Variants in METTL15 observed in about 807,000 individuals in gnomAD.
The protein encoded by METTL15 is 12S rRNA N(4)-cytidine methyltransferase METTL15.
In METTL15, 34 loss-of-function variants were observed where a neutral mutation model predicts 38.3. That is an observed-to-expected ratio of 0.89 (90% CI 0.68 to 1.18). METTL15 has a LOEUF of 1.18. Among genes scored for constraint, METTL15 ranks in the 50% most tolerant of loss-of-function variants. The pLI is 0.00. For synonymous variants in METTL15, 162 were observed against 170.9 expected (o/e 0.95, Z 0.41); for missense variants, 438 against 498.4 (o/e 0.88, Z 1.15).
At chr11:28,319,643 A>G (rs1849392287) in intron 6 of METTL15, among the ~76,000 whole-genome samples, 1 of 152,126 alleles carries the variant, frequency 6.6e-6, no homozygotes, top group African/African-American at 2.4e-5. Flanking sequence ...GTAAGAATTA[A>G]ATATGTGGAA....
At chr11:28,281,081 T>G (rs541687846) in intron 4 of METTL15, among the ~76,000 whole-genome samples, 39 of 152,318 alleles carry the variant, frequency 2.6e-4, no homozygotes, top group African/African-American at 8.9e-4. Flanking sequence ...TTTTAAAAAA[T>G]TATTGTGATA....
intron 4 of METTL15, among the ~76,000 whole-genome samples, chr11:28,236,648 T>G (rs1169828321): frequency 1.3e-5 from 2 of 152,206 alleles, no homozygotes; most frequent in Admixed American, 1.3e-4. Flanking sequence ...GCCATTATGA[T>G]GTTAGCTGGT....
chr11:28,335,191 C>T (rs1406280694), downstream of METTL15, among the ~76,000 whole-genome samples: 1 of 152,088 alleles, frequency 6.6e-6, no homozygotes, highest in Non-Finnish European at 1.5e-5. Flanking sequence ...ATTATTAAGC[C>T]ATCAAATGAT....
At chr11:28,478,764 A>G (rs1451644690) in intron 6 of METTL15, among the ~76,000 whole-genome samples, 1 of 152,184 alleles carries the variant, frequency 6.6e-6, no homozygotes, top group African/African-American at 2.4e-5. Flanking sequence ...TCAATATGCT[A>G]TTATTGCTAT....
At chr11:28,374,682 G>T (rs923169344) in intron 5 of METTL15, among the ~76,000 whole-genome samples, 1 of 150,630 alleles carries the variant, frequency 6.6e-6, no homozygotes, top group Non-Finnish European at 1.5e-5. Context: ...AATTGCCCTG[G>T]CCAGAACTTC....
chr11:28,488,917 A>C (rs768010703), intron 6 of METTL15, among the ~76,000 whole-genome samples: 2 of 152,122 alleles, frequency 1.3e-5, no homozygotes, highest in Admixed American at 1.3e-4. Context: ...AATACCAAGC[A>C]GACCTTCACT....
intron 6 of METTL15, among the ~76,000 whole-genome samples, chr11:28,324,529 A>T (rs1849570619): frequency 1.3e-5 from 2 of 152,238 alleles, no homozygotes; most frequent in Admixed American, 1.3e-4. Context: ...AATTAAGTGC[A>T]TGCAATCAGT....
intron 4 of METTL15, among the ~76,000 whole-genome samples, chr11:28,225,436 C>G (rs1398787703): frequency 6.6e-6 from 1 of 151,720 alleles, no homozygotes; most frequent in African/African-American, 2.4e-5. Flanking sequence ...CTCATGCCTT[C>G]TTACATTTGC....
chr11:28,159,445 A>AG lies in METTL15; in HGVS notation c.270+45843dup, dbSNP rs1399269996. 9.9e-5 allele frequency among the ~76,000 whole-genome samples: 15 copies of AG among 151,292 alleles called. 1 individual carries two copies. The South Asian group carries it at 2.8e-3, about 28-fold the overall frequency. Reference sequence around the variant, plus strand: ...GAATGAAGGTTTGAATCACTCCACCAGGAAAAAAAAAAAAACACAACCTGC... The same window carrying AG: ...GAATGAAGGTTTGAATCACTCCACCAGGGAAAAAAAAAAAAACACAACCTGC... On this transcript the variant is annotated intron_variant, in intron 3 of 6. Transcript: ENST00000407364.
intron 4 of METTL15, among the ~76,000 whole-genome samples, chr11:28,357,317 A>G (rs1284354710): frequency 2.0e-5 from 3 of 152,236 alleles, no homozygotes; most frequent in African/African-American, 7.2e-5. Flanking sequence ...TGAAGATCCA[A>G]TGAGATAGTA....
intron 5 of METTL15, among the ~76,000 whole-genome samples, chr11:28,291,732 G>C (rs189558053): frequency 1.0e-5 from 1 of 98,096 alleles, no homozygotes; most frequent in Admixed American, 9.7e-5. Flanking sequence ...CTCATGTGTG[G>C]AGATGGAGGT....
intron 4 of METTL15, among the ~76,000 whole-genome samples, chr11:28,354,292 T>G (rs77812606): frequency 0.034 from 5,241 of 152,246 alleles, 297 homozygotes; most frequent in African/African-American, 0.12. Flanking sequence ...CTTTGCCTTT[T>G]CATCTTTTCC....
intron 6 of METTL15, among the ~76,000 whole-genome samples, chr11:28,489,486 C>T (rs969208272): frequency 7.2e-5 from 11 of 152,072 alleles, no homozygotes; most frequent in African/African-American, 2.7e-4. Context: ...CACACATAAA[C>T]AGGATGTAGT....
intron 4 of METTL15, among the ~76,000 whole-genome samples, chr11:28,228,090 A>AT (rs2133877194): frequency 6.6e-6 from 1 of 152,070 alleles, no homozygotes; most frequent in African/African-American, 2.4e-5. Flanking sequence ...GAGACAAGGA[A>AT]TAAGTTCAGT....
At chr11:28,506,155 T>TC (rs140522684) in intron 6 of METTL15, among the ~76,000 whole-genome samples, 5,207 of 152,274 alleles carry the variant, frequency 0.034, 284 homozygotes, top group African/African-American at 0.12. Flanking sequence ...GCCTGTACTC[T>TC]CCGCTTGCCT....
intron 4 of METTL15, among the ~76,000 whole-genome samples, chr11:28,266,885 C>T (rs142676955): frequency 1.3e-4 from 20 of 152,204 alleles, no homozygotes; most frequent in African/African-American, 3.9e-4. Flanking sequence ...ATTGGCTGGG[C>T]GTGGTGGCTC....
At chr11:28,249,891 C>G (rs529671915) in intron 4 of METTL15, among the ~76,000 whole-genome samples, 6 of 152,124 alleles carry the variant, frequency 3.9e-5, no homozygotes, top group African/African-American at 1.4e-4. Flanking sequence ...CCTCCACCCT[C>G]AAGTAGGCTG....
intron 6 of METTL15, among the ~76,000 whole-genome samples, chr11:28,446,973 G>A (rs1224852607): frequency 6.6e-6 from 1 of 151,828 alleles, no homozygotes; most frequent in Non-Finnish European, 1.5e-5. Flanking sequence ...TCAAATATCT[G>A]TATTTAAATT....
chr11:28,138,510 T>C (rs1352369277), intron 3 of METTL15, among the ~76,000 whole-genome samples: 2 of 152,094 alleles, frequency 1.3e-5, no homozygotes, highest in South Asian at 4.1e-4. Flanking sequence ...TAACTGTGAG[T>C]GTACAAGGTA....
Sources: allele counts gnomAD v4.1 joint callset (sites outside exome capture counted in the v4.1 genomes callset), GRCh38; gene constraint gnomAD v4.1.1; transcripts MANE v1.5; gene names NCBI Gene and HGNC (gene_info 2026-07-23, HGNC 2026-07-21).